Variants in UTRN observed in about 807,000 individuals in gnomAD.
UTRN encodes utrophin, also known as dystrophin-related protein 1.
In UTRN, 283 loss-of-function variants were observed where a neutral mutation model predicts 463.9. The observed-to-expected ratio is 0.61, with a 90% CI of 0.55 to 0.67. UTRN has a LOEUF of 0.67. UTRN is among the 30% of genes least tolerant of loss of function. The probability of loss-of-function intolerance (pLI) is 0.00; values close to 1 mark genes in which losing one functional copy is unlikely to be tolerated. For missense variants in UTRN, 3,922 were observed against 4,084.3 expected (o/e 0.96, Z 1.08); for synonymous variants, 1,442 against 1,431.5 (o/e 1.01, Z -0.17).
chr6:144,436,171 C>A, intron 10 of UTRN, 33 bp downstream of exon 10: 1 of 1,591,486 alleles, frequency 6.3e-7, no homozygotes, highest in Admixed American at 1.7e-5. Flanking sequence ...CAGGGTGTGT[C>A]CCCCACGGGA....
At position 144,846,786 on chromosome 6, in the gene UTRN, C is replaced by A. The variant is rs369248904; in HGVS notation, c.10271-19C>A. 30 of 1,613,974 alleles carry A rather than the reference C, an allele frequency of 1.9e-5. No individual in the cohort carries two copies. In the South Asian group the frequency reaches 3.1e-4, roughly 17 times the overall value. ...TAACAGGACTGCCATTAAGTGATTT[C>A]TTTTGTTTTCTCTTTCAGCAAATGT... is the stretch of plus-strand genomic sequence containing the variant. On this transcript the variant is annotated intron_variant, in intron 73 of 74. Transcript: ENST00000367545.
intron 2 of UTRN, among the ~76,000 whole-genome samples, chr6:144,394,203 CAT>C (rs1388399880): frequency 2.6e-5 from 4 of 152,074 alleles, no homozygotes; most frequent in Admixed American, 6.6e-5. Flanking sequence ...ATTGAATTAT[CAT>C]ATATATGTGT....
At chr6:144,587,593 T>C (rs1342971911) in intron 51 of UTRN, among the ~76,000 whole-genome samples, 1 of 152,208 alleles carries the variant, frequency 6.6e-6, no homozygotes, top group African/African-American at 2.4e-5. Context: ...TGTGGTTTTT[T>C]AGAAGACACT....
At chr6:144,374,097 T>A (rs1780237193) in intron 2 of UTRN, among the ~76,000 whole-genome samples, 1 of 152,316 alleles carries the variant, frequency 6.6e-6, no homozygotes, top group South Asian at 2.1e-4. Context: ...AATTGGGTAC[T>A]CTCAACTCCC....
At chr6:144,578,992 A>G (rs962412894) in intron 51 of UTRN, among the ~76,000 whole-genome samples, 5 of 152,244 alleles carry the variant, frequency 3.3e-5, no homozygotes, top group African/African-American at 1.2e-4. Flanking sequence ...CACAATTTGA[A>G]AAACAGATCT....
chr6:144,420,923 C>T (rs1425911283), intron 3 of UTRN, among the ~76,000 whole-genome samples: 4 of 152,168 alleles, frequency 2.6e-5, no homozygotes, highest in South Asian at 2.1e-4. Context: ...GGAACATATG[C>T]CATACTCAAG....
At chr6:144,477,533 T>TACACACACACACAC (rs10651559) in intron 25 of UTRN, among the ~76,000 whole-genome samples, 3 of 146,850 alleles carry the variant, frequency 2.0e-5, no homozygotes, top group African/African-American at 7.5e-5. Flanking sequence ...TTTCTCTTTA[T>TACACACACACACAC]ACACACACAC....
chr6:144,338,023 A>G (rs186484655), intron 2 of UTRN, among the ~76,000 whole-genome samples: 1 of 152,322 alleles, frequency 6.6e-6, no homozygotes, highest in Admixed American at 6.5e-5. Context: ...TCATATGGAA[A>G]CAAAGGCATG....
chr6:144,411,659 TGAAGG>T (rs1783907451), intron 3 of UTRN, among the ~76,000 whole-genome samples: 1 of 152,192 alleles, frequency 6.6e-6, no homozygotes, highest in African/African-American at 2.4e-5. Context: ...TTTATAGTTC[TGAAGG>T]TAGGTGCACA....
chr6:144,704,739 G>T (rs1029265794), intron 53 of UTRN, among the ~76,000 whole-genome samples: 17 of 152,052 alleles, frequency 1.1e-4, no homozygotes, highest in Non-Finnish European at 7.4e-5. Context: ...TAAGGCAGGC[G>T]GATCATGAGG....
Position 144,551,082 on chromosome 6 carries a change from TG to T in UTRN, c.6928+1del, listed in dbSNP as rs1395522198. Reference sequence around the variant, plus strand: ...TATGAGAACAGCAATTACAGAAAAATGTAAGTTTTTTAAAAAAAGTTATGTA... The same window carrying T: ...TATGAGAACAGCAATTACAGAAAAATTAAGTTTTTTAAAAAAAGTTATGTA... On this transcript the variant is annotated splice_donor_variant, in intron 48 of 74. Coordinates refer to ENST00000367545, the MANE Select transcript of UTRN (RefSeq NM_007124.3). LOFTEE classifies it high-confidence loss of function. 6.3e-7 allele frequency: 1 copy of T among 1,588,852 alleles called. No individual in the cohort carries two copies. The highest frequency in any genetic ancestry group is 8.5e-7 in the Non-Finnish European group (1 of 1,172,286).
intron 2 of UTRN, among the ~76,000 whole-genome samples, chr6:144,327,516 G>A (rs1198677725): frequency 1.3e-5 from 2 of 152,108 alleles, no homozygotes; most frequent in African/African-American, 2.4e-5. Flanking sequence ...CTCCAGGCTC[G>A]GCCTTTCGCC....
intron 3 of UTRN, among the ~76,000 whole-genome samples, chr6:144,405,558 A>C (rs1451731269): frequency 6.6e-6 from 1 of 152,092 alleles, no homozygotes; most frequent in Non-Finnish European, 1.5e-5. Flanking sequence ...CCTTTGGTAC[A>C]TTGTGGTGGG....
chr6:144,474,464 A>AAT, intron 24 of UTRN, 140 bp from the exon 25 acceptor site: 1 of 891,370 alleles, frequency 1.1e-6, no homozygotes, highest in Admixed American at 3.6e-5. Context: ...CTTAAGGCAC[A>AAT]ATATTTCTTA....
chr6:144,507,591 A>G (rs1794791188), intron 34 of UTRN, among the ~76,000 whole-genome samples: 1 of 152,016 alleles, frequency 6.6e-6, no homozygotes, highest in African/African-American at 2.4e-5. Flanking sequence ...TCATCAGGGG[A>G]AGCTGCAGAA....
intron 3 of UTRN, among the ~76,000 whole-genome samples, chr6:144,418,641 TCCTCTGGGTTCAA>T (rs1784569194): frequency 6.6e-6 from 1 of 151,774 alleles, no homozygotes; most frequent in Non-Finnish European, 1.5e-5. Context: ...AGTCTCCATC[TCCTCTGGGTTCAA>T]GCAATTTTCC....
intron 41 of UTRN, among the ~76,000 whole-genome samples, chr6:144,528,429 A>C (rs576355014): frequency 2.0e-5 from 3 of 152,228 alleles, no homozygotes; most frequent in Non-Finnish European, 4.4e-5. Flanking sequence ...AGAGCATGTC[A>C]GAGGGAAGAT....
chr6:144,699,020 G>A (rs1037282156), intron 52 of UTRN, among the ~76,000 whole-genome samples: 3 of 152,100 alleles, frequency 2.0e-5, no homozygotes, highest in Non-Finnish European at 4.4e-5. Context: ...GTATCCTGTC[G>A]AAGCAATGCC....
chr6:144,464,409 G>T (rs1374858381), intron 23 of UTRN, among the ~76,000 whole-genome samples: 1 of 152,040 alleles, frequency 6.6e-6, no homozygotes, highest in Non-Finnish European at 1.5e-5. Flanking sequence ...TTTTCTCTAG[G>T]TGTAAGTGCA....
Sources: allele counts gnomAD v4.1 joint callset (sites outside exome capture counted in the v4.1 genomes callset), GRCh38; gene constraint gnomAD v4.1.1; transcripts MANE v1.5; gene names NCBI Gene and HGNC (gene_info 2026-07-23, HGNC 2026-07-21).